Variants in C2orf76 observed in about 807,000 individuals in gnomAD.
C2orf76 encodes the protein chromosome 2 open reading frame 76.
In C2orf76, 23 loss-of-function variants were observed where a neutral mutation model predicts 16.9. The ratio of observed to expected loss-of-function variants is 1.36; its 90% confidence interval spans 0.98 to 1.93. The LOEUF (loss-of-function observed/expected upper bound fraction) is 1.93. Among genes scored for constraint, C2orf76 ranks in the 30% most tolerant of loss-of-function variants. C2orf76 has a pLI of 0.00. For synonymous variants in C2orf76, 48 were observed against 52.3 expected (o/e 0.92, Z 0.35); for missense variants, 152 against 152.6 (o/e 1.00, Z 0.02).
At chr2:119,340,058 G>C (rs1558790646) in intron 1 of C2orf76, 87 bp from the exon 2 acceptor site, 2 of 1,421,838 alleles carry the variant, frequency 1.4e-6, no homozygotes, top group East Asian at 4.6e-5. Context: ...TCAGCTCTCT[G>C]GCACCAGCCC....
At chr2:119,331,913 T>C (rs911826222) in intron 2 of C2orf76, among the ~76,000 whole-genome samples, 1 of 152,160 alleles carries the variant, frequency 6.6e-6, no homozygotes, top group Non-Finnish European at 1.5e-5. Context: ...CCTTTGAACT[T>C]AAGACTTCAG....
intron 2 of C2orf76, chr2:119,338,733 G>C (rs996143962): frequency 6.6e-6 from 1 of 152,218 alleles, no homozygotes; most frequent in African/African-American, 2.4e-5. Context: ...GCTTTGGCAG[G>C]ACAAGACAAG....
At chr2:119,328,316 C>G (rs1182336211) in intron 2 of C2orf76, among the ~76,000 whole-genome samples, 1 of 151,902 alleles carries the variant, frequency 6.6e-6, no homozygotes, top group Non-Finnish European at 1.5e-5. Context: ...TTGTTCATGC[C>G]GTTTCTTTTT....
intron 1 of C2orf76, 37 bp downstream of exon 1, chr2:119,366,753 G>A (rs1681022651): frequency 3.7e-6 from 2 of 545,182 alleles, no homozygotes; most frequent in South Asian, 2.1e-5. Flanking sequence ...CCAACTCCCG[G>A]CAGCAAAACT....
chr2:119,358,601 A>T (rs1680648573), intron 1 of C2orf76, among the ~76,000 whole-genome samples: 1 of 150,634 alleles, frequency 6.6e-6, no homozygotes, highest in Non-Finnish European at 1.5e-5. Flanking sequence ...AAAAAAAGGC[A>T]AAACAGCCTG....
At chr2:119,298,917 G>T (rs914609125), downstream of C2orf76, among the ~76,000 whole-genome samples, 1 of 152,052 alleles carries the variant, frequency 6.6e-6, no homozygotes, top group African/African-American at 2.4e-5. Context: ...ATACTGAATA[G>T]TACTGGCAAT....
At chr2:119,319,750 G>A (rs1323484621) in intron 3 of C2orf76, among the ~76,000 whole-genome samples, 1 of 151,882 alleles carries the variant, frequency 6.6e-6, no homozygotes, top group Non-Finnish European at 1.5e-5. Context: ...CTTTGCCAAA[G>A]GGTAGGGAGA....
intron 5 of C2orf76, among the ~76,000 whole-genome samples, chr2:119,302,969 C>G (rs1435194656): frequency 6.6e-6 from 1 of 151,906 alleles, no homozygotes; most frequent in Non-Finnish European, 1.5e-5. Context: ...CTGAAATTAG[C>G]CTGTAGGTAT....
At chr2:119,350,081 C>CT (rs1181646928) in intron 1 of C2orf76, among the ~76,000 whole-genome samples, 2 of 131,084 alleles carry the variant, frequency 1.5e-5, no homozygotes, top group Admixed American at 7.3e-5. Flanking sequence ...CCCCCGCCCC[C>CT]CCACCGTCCC....
chr2:119,318,897 C>A (rs2104562070), intron 3 of C2orf76, among the ~76,000 whole-genome samples: 1 of 151,936 alleles, frequency 6.6e-6, no homozygotes, highest in East Asian at 1.9e-4. Flanking sequence ...ATAAATCTAA[C>A]CTAAGTAAAA....
chr2:119,338,158 A>C (rs13016505), intron 2 of C2orf76, among the ~76,000 whole-genome samples: 1 of 152,062 alleles, frequency 6.6e-6, no homozygotes, highest in Admixed American at 6.5e-5. Flanking sequence ...AGTGCCCCCC[A>C]AAATATGCCT....
At chr2:119,349,864 T>A (rs980224727) in intron 1 of C2orf76, among the ~76,000 whole-genome samples, 1 of 152,138 alleles carries the variant, frequency 6.6e-6, no homozygotes, top group African/African-American at 2.4e-5. Context: ...TGCTGTATGG[T>A]CCGTTTTTGT....
chr2:119,297,685 A>G (rs866471941), downstream of C2orf76, among the ~76,000 whole-genome samples: 1 of 151,964 alleles, frequency 6.6e-6, no homozygotes, highest in Non-Finnish European at 1.5e-5. Flanking sequence ...TTTTGTAGAG[A>G]TGTGGTTTCA....
chr2:119,317,684 G>A (rs1679216622), intron 3 of C2orf76, among the ~76,000 whole-genome samples, 181 bp from the exon 4 acceptor site: 1 of 152,092 alleles, frequency 6.6e-6, no homozygotes, highest in South Asian at 2.1e-4. Flanking sequence ...CATTAAAACT[G>A]AAGTAAAAGA....
At chr2:119,327,976 A>G (rs888280010) in intron 2 of C2orf76, among the ~76,000 whole-genome samples, 7 of 152,084 alleles carry the variant, frequency 4.6e-5, no homozygotes, top group Admixed American at 6.6e-5. Flanking sequence ...CTGGTTTGGT[A>G]TCAGGGTAAG....
At chr2:119,343,782 AAAAC>A (rs1400046012) in intron 1 of C2orf76, among the ~76,000 whole-genome samples, 2 of 152,310 alleles carry the variant, frequency 1.3e-5, no homozygotes, top group Admixed American at 6.5e-5. Context: ...TCCATCTCAA[AAAAC>A]AAACAAACAA....
chr2:119,336,008 A>T (rs1679833133), intron 2 of C2orf76, among the ~76,000 whole-genome samples: 3 of 152,200 alleles, frequency 2.0e-5, no homozygotes, highest in South Asian at 2.1e-4. Flanking sequence ...TATCTAGATA[A>T]TTGGTTTGTC....
chr2:119,301,076 A>ACAC (rs1678612702), downstream of C2orf76, among the ~76,000 whole-genome samples: 283 of 146,236 alleles, frequency 1.9e-3, 1 homozygote, highest in African/African-American at 6.9e-3. Context: ...ACTTCTTAAA[A>ACAC]ACACACACAC....
chr2:119,321,107 GC>G (rs1232720833), intron 3 of C2orf76, 46 bp downstream of exon 3: 2 of 995,882 alleles, frequency 2.0e-6, no homozygotes, highest in Non-Finnish European at 2.8e-6. Context: ...ACAAACTAAT[GC>G]AAAATTGTAT....
Sources: gnomAD v4.1 joint callset for allele counts (sites outside exome capture counted in the v4.1 genomes callset) on GRCh38, gnomAD v4.1.1 for gene constraint, MANE v1.5 for transcripts, NCBI Gene and HGNC (gene_info 2026-07-23, HGNC 2026-07-21) for gene names.